The following GRM3 variants were observed in gnomAD, a reference collection of about 807,000 sequenced individuals.
GRM3 encodes glutamate metabotropic receptor 3.
In GRM3, 26 loss-of-function variants were observed where a neutral mutation model predicts 70.5. The ratio of observed to expected loss-of-function variants is 0.37; its 90% CI spans 0.27 to 0.51. The LOEUF (loss-of-function observed/expected upper bound fraction) is 0.51. Ranked by LOEUF, GRM3 falls within the 20% of genes least tolerant of loss-of-function variation. The pLI, the probability that GRM3 is intolerant of heterozygous loss-of-function variation, is 0.93. For synonymous variants in GRM3, 443 were observed against 434.9 expected (o/e 1.02, Z -0.23); for missense variants, 859 against 1,123.8 (o/e 0.76, Z 3.37).
chr7:86,654,796 G>A (rs1793693907), intron 1 of GRM3, among the ~76,000 whole-genome samples: 1 of 152,120 alleles, frequency 6.6e-6, no homozygotes, highest in Non-Finnish European at 1.5e-5. Context: ...TTATTCATCA[G>A]AAATTTAATG....
chr7:86,756,375 G>A (rs1362780252), intron 1 of GRM3, among the ~76,000 whole-genome samples: 1 of 152,108 alleles, frequency 6.6e-6, no homozygotes, highest in Non-Finnish European at 1.5e-5. Flanking sequence ...CACGGTGCCT[G>A]GCCCTCCTCT....
intron 1 of GRM3, among the ~76,000 whole-genome samples, chr7:86,668,713 G>A (rs1028562618): frequency 5.3e-5 from 8 of 152,108 alleles, no homozygotes; most frequent in Non-Finnish European, 1.0e-4. Context: ...TACCCTGGAA[G>A]ATTAACTGTC....
chr7:86,775,783 A>G (rs984894331), intron 2 of GRM3, among the ~76,000 whole-genome samples: 2 of 151,994 alleles, frequency 1.3e-5, no homozygotes, highest in Non-Finnish European at 2.9e-5. Context: ...TCTCTCTTCT[A>G]TGTAAAAACC....
At chr7:86,652,797 A>C (rs1209003850) in intron 1 of GRM3, among the ~76,000 whole-genome samples, 1 of 152,214 alleles carries the variant, frequency 6.6e-6, no homozygotes, top group African/African-American at 2.4e-5. Flanking sequence ...CCTCTGCTGT[A>C]AATAGTCTGT....
chr7:86,707,789 C>T (rs561980611), intron 1 of GRM3, among the ~76,000 whole-genome samples: 1 of 152,230 alleles, frequency 6.6e-6, no homozygotes, highest in South Asian at 2.1e-4. Context: ...TTTATCATCT[C>T]TCTTAATCAA....
Position 86,794,476 on chromosome 7 carries a change from A to C in GRM3, c.1324+7360A>C, listed in dbSNP as rs548653898. Among the ~76,000 whole-genome samples the C allele has an allele frequency of 2.6e-5, 4 of 152,350 alleles. No homozygotes were observed. In the South Asian group the frequency reaches 8.3e-4, roughly 32 times the overall value. Reference sequence around the variant, plus strand: ...GTTGAGTTTAGTAAGCCTTCACAGAAACATAGCAAAATTTTCATAATGCCT... The same window carrying C: ...GTTGAGTTTAGTAAGCCTTCACAGACACATAGCAAAATTTTCATAATGCCT... On this transcript the variant is annotated intron_variant, in intron 3 of 5. Coordinates refer to ENST00000361669, the MANE Select transcript of GRM3 (RefSeq NM_000840.3).
At chr7:86,689,009 C>A (rs979928561) in intron 1 of GRM3, among the ~76,000 whole-genome samples, 17 of 148,806 alleles carry the variant, frequency 1.1e-4, no homozygotes, top group Admixed American at 6.0e-4. Context: ...ATTATATATT[C>A]AAAACCATGA....
chr7:86,664,985 T>C (rs955591775), intron 1 of GRM3, among the ~76,000 whole-genome samples: 3 of 152,054 alleles, frequency 2.0e-5, no homozygotes, highest in African/African-American at 7.2e-5. Context: ...TTCTCAATTC[T>C]GAGAAGGATA....
At chr7:86,847,237 T>C (rs907454977) in intron 4 of GRM3, among the ~76,000 whole-genome samples, 9 of 152,168 alleles carry the variant, frequency 5.9e-5, no homozygotes, top group Non-Finnish European at 1.3e-4. Context: ...GTCAGAGCCT[T>C]GCTCACAAAA....
intron 3 of GRM3, among the ~76,000 whole-genome samples, chr7:86,788,705 T>C (rs1402266187): frequency 1.3e-5 from 2 of 152,154 alleles, no homozygotes; most frequent in African/African-American, 2.4e-5. Flanking sequence ...AAAAATAAAT[T>C]AACTCTCAGG....
Position 86,682,070 on chromosome 7 carries a change from A to T in GRM3, c.-141+37198A>T, listed in dbSNP as rs58300041. Among the ~76,000 whole-genome samples, 536 of 152,318 alleles carry T rather than the reference A, an allele frequency of 3.5e-3. 4 individuals are homozygous for T. The highest frequency in any genetic ancestry group is 0.012 in the African/African-American group (510 of 41,582). On this transcript the variant is annotated intron_variant, in intron 1 of 5. Coordinates refer to ENST00000361669, the MANE Select transcript of GRM3 (RefSeq NM_000840.3). ...GGATTTTTCAAATAATCACATGGAG[A>T]GGTTAAACAATTCTTATCCTTAAAC... is the stretch of plus-strand genomic sequence containing the variant.
intron 1 of GRM3, among the ~76,000 whole-genome samples, chr7:86,675,784 A>G (rs781701828): frequency 6.6e-6 from 1 of 152,126 alleles, no homozygotes; most frequent in Non-Finnish European, 1.5e-5. Context: ...GAAGCATTGC[A>G]TGTATTTTAA....
At chr7:86,738,922 A>G (rs1390563518) in intron 1 of GRM3, among the ~76,000 whole-genome samples, 1 of 152,190 alleles carries the variant, frequency 6.6e-6, no homozygotes, top group African/African-American at 2.4e-5. Context: ...TTTGTTCGCA[A>G]TTCAAGAATA....
intron 3 of GRM3, among the ~76,000 whole-genome samples, chr7:86,834,424 A>G (rs952036794): frequency 6.6e-6 from 1 of 151,946 alleles, no homozygotes; most frequent in Admixed American, 6.6e-5. Context: ...TGTTAATTCT[A>G]TTTCTGCTAT....
At chr7:86,733,514 A>C (rs908556905) in intron 1 of GRM3, among the ~76,000 whole-genome samples, 6 of 152,162 alleles carry the variant, frequency 3.9e-5, no homozygotes, top group African/African-American at 1.4e-4. Flanking sequence ...GGCCAACTCC[A>C]AAATTTAAGA....
intron 4 of GRM3, among the ~76,000 whole-genome samples, chr7:86,847,110 C>A (rs1166270166): frequency 6.6e-6 from 1 of 152,140 alleles, no homozygotes; most frequent in Admixed American, 6.6e-5. Context: ...ACTAGGGAAC[C>A]TGAATCTTTT....
At chr7:86,824,127 C>G (rs1056726580) in intron 3 of GRM3, among the ~76,000 whole-genome samples, 4 of 152,032 alleles carry the variant, frequency 2.6e-5, no homozygotes, top group Non-Finnish European at 5.9e-5. Flanking sequence ...AGAACTCCTG[C>G]CTTATCTTTT....
At chr7:86,671,182 C>T (rs1016314339) in intron 1 of GRM3, among the ~76,000 whole-genome samples, 1 of 152,222 alleles carries the variant, frequency 6.6e-6, no homozygotes, top group Non-Finnish European at 1.5e-5. Flanking sequence ...AGGTGCCTTC[C>T]TCCATGCCCA....
At chr7:86,645,419 C>T (rs998892988) in intron 1 of GRM3, among the ~76,000 whole-genome samples, 24 of 152,316 alleles carry the variant, frequency 1.6e-4, no homozygotes, top group South Asian at 2.1e-4. Context: ...CCTTAACTCA[C>T]TGCCCTTTGC....
Sources: gnomAD v4.1 joint callset for allele counts (sites outside exome capture counted in the v4.1 genomes callset) on GRCh38, gnomAD v4.1.1 for gene constraint, MANE v1.5 for transcripts, NCBI Gene and HGNC (gene_info 2026-07-23, HGNC 2026-07-21) for gene names.